The following PCDH11X variants were observed in gnomAD, a reference collection of about 807,000 sequenced individuals.
The protein encoded by PCDH11X is protocadherin 11 X-linked.
In PCDH11X, 18 loss-of-function variants were observed where a neutral mutation model predicts 53.3. That is an observed-to-expected ratio of 0.34 (90% CI 0.23 to 0.50). PCDH11X has a LOEUF of 0.50. Among genes scored for constraint, PCDH11X ranks in the 20% least tolerant of loss-of-function variants. The pLI is 0.98. For synonymous variants in PCDH11X, 279 were observed against 393.3 expected (o/e 0.71, Z 3.44); for missense variants, 570 against 1,032.4 (o/e 0.55, Z 6.14).
At chrX:91,925,555 T>C (rs755741160) in intron 6 of PCDH11X, among the ~76,000 whole-genome samples, 2 of 110,944 alleles carry the variant, frequency 1.8e-5, no homozygotes, top group South Asian at 7.7e-4. Context: ...ACTAAAGTCA[T>C]TATTTGAGGT....
At chrX:92,102,182 C>T (rs1473118819) in intron 6 of PCDH11X, among the ~76,000 whole-genome samples, 3 of 111,394 alleles carry the variant, frequency 2.7e-5, no homozygotes, top group African/African-American at 6.5e-5. Context: ...AGAGTGAGTA[C>T]AGCTGAAGGA....
Position 92,618,692 on chromosome X carries a change from G to T in PCDH11X, c.3796G>T (p.Ala1266Ser). The change falls in exon 11 of 11, where the codon GCC becomes TCC. Residue 1266 changes from alanine to serine, a missense_variant. Physicochemically the swap from Ala to Ser is moderately conservative, Grantham distance 99 (BLOSUM62 1). Coordinates refer to ENST00000682573, the MANE Select transcript of PCDH11X (RefSeq NM_032968.5). ...SHSSPLPQVI[A>S]LHRSQAQSSV... Reference sequence around the variant, plus strand: ...CAGCTCTCCTCTGCCACAGGTTATTGCCCTCCATCGTAGTCAGGCCCAATC... The same window carrying T: ...CAGCTCTCCTCTGCCACAGGTTATTTCCCTCCATCGTAGTCAGGCCCAATC... 1 of 1,211,917 alleles carries T rather than the reference G, an allele frequency of 8.3e-7. No individual in the cohort carries two copies. The highest frequency in any genetic ancestry group is 1.1e-6 in the Non-Finnish European group (1 of 895,491).
At chrX:92,270,414 T>C (rs113556569) in intron 8 of PCDH11X, among the ~76,000 whole-genome samples, 7,842 of 111,699 alleles carry the variant, frequency 0.07, 474 homozygotes, top group East Asian at 0.28. Context: ...GTGAGCCAAC[T>C]GTGTCCAGCC....
chrX:91,989,077 T>C (rs910140248), intron 6 of PCDH11X, among the ~76,000 whole-genome samples: 1 of 110,784 alleles, frequency 9.0e-6, no homozygotes, highest in Admixed American at 9.6e-5. Context: ...ACAGTGGGCC[T>C]GATGAGACCC....
At chrX:92,234,685 T>TA (rs202150906) in intron 7 of PCDH11X, among the ~76,000 whole-genome samples, 14,862 of 110,824 alleles carry the variant, frequency 0.13, 1,660 homozygotes, top group African/African-American at 0.37. Context: ...TATAAAGGGT[T>TA]TTATACTCAT....
intron 10 of PCDH11X, among the ~76,000 whole-genome samples, chrX:92,599,735 A>T (rs1026283060): frequency 9.8e-5 from 11 of 111,821 alleles, no homozygotes; most frequent in Non-Finnish European, 1.9e-4. Flanking sequence ...GGAACTGGGT[A>T]ACAGGCAGAG....
chrX:92,269,828 C>T (rs948587536), intron 8 of PCDH11X, among the ~76,000 whole-genome samples: 4 of 111,825 alleles, frequency 3.6e-5, no homozygotes, highest in Non-Finnish European at 7.5e-5. Flanking sequence ...TTTCTCACCA[C>T]ATATTCCTTG....
At chrX:92,508,500 C>A (rs1209555125) in intron 10 of PCDH11X, among the ~76,000 whole-genome samples, 2 of 111,599 alleles carry the variant, frequency 1.8e-5, no homozygotes, top group African/African-American at 6.5e-5. Flanking sequence ...GAATTACAGG[C>A]GTGAGCCACT....
chrX:92,138,349 T>A (rs1377369456), intron 6 of PCDH11X, among the ~76,000 whole-genome samples: 2 of 111,178 alleles, frequency 1.8e-5, no homozygotes, highest in Non-Finnish European at 3.8e-5. Context: ...TGGTATGTTA[T>A]GAAAACTGGC....
At chrX:92,086,244 A>T (rs1252494217) in intron 6 of PCDH11X, among the ~76,000 whole-genome samples, 1 of 111,494 alleles carries the variant, frequency 9.0e-6, no homozygotes, top group Non-Finnish European at 1.9e-5. Flanking sequence ...ATAACTGATT[A>T]AAAATATTGT....
chrX:91,816,949 G>C (rs1164975228), intron 4 of PCDH11X, among the ~76,000 whole-genome samples: 1 of 104,618 alleles, frequency 9.6e-6, no homozygotes, highest in Non-Finnish European at 2.0e-5. Context: ...TTTCTATCAT[G>C]CATCATATTC....
At chrX:91,851,594 C>T (rs1017326186) in intron 5 of PCDH11X, among the ~76,000 whole-genome samples, 5 of 111,273 alleles carry the variant, frequency 4.5e-5, no homozygotes, top group African/African-American at 1.6e-4. Flanking sequence ...TCTTTGTCAC[C>T]TGTGGTTTTA....
At chrX:92,285,944 C>T (rs1163428901) in intron 8 of PCDH11X, among the ~76,000 whole-genome samples, 1 of 112,289 alleles carries the variant, frequency 8.9e-6, no homozygotes, top group Non-Finnish European at 1.9e-5. Flanking sequence ...TGGGTTCTGG[C>T]TAGTTATCTG....
At chrX:92,146,363 A>G (rs994404357) in intron 6 of PCDH11X, among the ~76,000 whole-genome samples, 1 of 111,159 alleles carries the variant, frequency 9.0e-6, no homozygotes, top group African/African-American at 3.3e-5. Flanking sequence ...GGGAGCCTAC[A>G]GCCCTCCTGT....
chrX:92,285,516 G>T (rs1490830274), intron 8 of PCDH11X, among the ~76,000 whole-genome samples: 4 of 110,881 alleles, frequency 3.6e-5, no homozygotes, highest in Non-Finnish European at 7.5e-5. Flanking sequence ...GCCTCCCAAA[G>T]TGCTGGGATT....
chrX:92,291,030 T>TA (rs2068481998), intron 8 of PCDH11X, among the ~76,000 whole-genome samples: 1 of 85,815 alleles, frequency 1.2e-5, no homozygotes, highest in African/African-American at 4.3e-5. Flanking sequence ...GACTCCCGAG[T>TA]AGCTGGGACC....
At chrX:91,817,733 T>C (rs1481909246) in intron 4 of PCDH11X, among the ~76,000 whole-genome samples, 1 of 111,210 alleles carries the variant, frequency 9.0e-6, no homozygotes, top group East Asian at 2.8e-4. Flanking sequence ...CTCTAGATGC[T>C]TATAGTCTAA....
chrX:92,124,686 G>A (rs951896179), intron 6 of PCDH11X, among the ~76,000 whole-genome samples: 1 of 109,540 alleles, frequency 9.1e-6, no homozygotes, highest in Non-Finnish European at 1.9e-5. Context: ...AGCATCCCAA[G>A]GTTTTCAAGA....
At chrX:91,983,088 C>T (rs2062167722) in intron 6 of PCDH11X, 4 of 1,120,063 alleles carry the variant, frequency 3.6e-6, no homozygotes, top group African/African-American at 1.8e-5. Context: ...CAGAGCAGCC[C>T]GGATGGAAGG....
Sources: allele counts gnomAD v4.1 joint callset (sites outside exome capture counted in the v4.1 genomes callset), GRCh38; gene constraint gnomAD v4.1.1; transcripts MANE v1.5; gene names NCBI Gene and HGNC (gene_info 2026-07-23, HGNC 2026-07-21).